The following COL13A1 variants were observed in gnomAD, a reference collection of about 807,000 sequenced individuals.
COL13A1 encodes the protein collagen alpha-1(XIII) chain.
A neutral mutation model predicts 130.9 loss-of-function variants in COL13A1; 89 were observed. The observed-to-expected ratio is 0.68, with a 90% CI of 0.57 to 0.81. The LOEUF (loss-of-function observed/expected upper bound fraction) is 0.81. COL13A1 is among the 30% of genes least tolerant of loss of function. COL13A1 has a pLI of 0.00. For synonymous variants in COL13A1, 402 were observed against 341.6 expected, an observed-to-expected ratio of 1.18 and a Z score of -1.95; for missense variants, 879 against 934.6, an observed-to-expected ratio of 0.94 and a Z score of 0.78.
intron 1 of COL13A1, among the ~76,000 whole-genome samples, chr10:69,805,678 G>C (rs1288428769): frequency 6.6e-6 from 1 of 152,200 alleles, no homozygotes; most frequent in Admixed American, 6.5e-5. Context: ...CCAGCGCTGT[G>C]CTACGAGCAG....
At chr10:69,868,188 T>C (rs1009772421) in intron 3 of COL13A1, among the ~76,000 whole-genome samples, 2 of 150,520 alleles carry the variant, frequency 1.3e-5, no homozygotes, top group Non-Finnish European at 2.9e-5. Context: ...GTTCTGCCCC[T>C]TGAAAGGTCC....
At position 69,832,080 on chromosome 10, in the gene COL13A1, A is replaced by T. The variant is rs1165073101; in HGVS notation, c.364+9642A>T. Among the ~76,000 whole-genome samples, 11 of 152,186 alleles carry T rather than the reference A, an allele frequency of 7.2e-5. No individual in the cohort carries two copies. The East Asian group carries it at 2.1e-3, about 29-fold the overall frequency. On this transcript the variant is annotated intron_variant, in intron 2 of 40. Transcript: ENST00000645393. ...AGTCTTTGCCCAGTTGCATTCAGCC[A>T]TGTGAGGTCCCGAAGGCAATGGCAC...
chr10:69,810,951 G>T (rs1842883462), intron 1 of COL13A1, among the ~76,000 whole-genome samples: 1 of 152,206 alleles, frequency 6.6e-6, no homozygotes, highest in South Asian at 2.1e-4. Context: ...AAGCACAAAG[G>T]GGCAGAACTG....
chr10:69,810,728 G>T (rs1172330550), intron 1 of COL13A1, among the ~76,000 whole-genome samples: 2 of 152,204 alleles, frequency 1.3e-5, no homozygotes, highest in Non-Finnish European at 2.9e-5. Context: ...TGAGGCCTGG[G>T]TCTGGGGAGA....
intron 40 of COL13A1, among the ~76,000 whole-genome samples, 153 bp from the exon 41 acceptor site, chr10:69,958,546 T>C (rs1430646687): frequency 1.3e-5 from 2 of 152,172 alleles, no homozygotes; most frequent in African/African-American, 2.4e-5. Flanking sequence ...TCGCCACCAG[T>C]TTCTTTCACC....
chr10:69,958,141 C>T (rs2062923727), intron 40 of COL13A1, among the ~76,000 whole-genome samples: 1 of 152,152 alleles, frequency 6.6e-6, no homozygotes, highest in South Asian at 2.1e-4. Context: ...AGATGCCTCC[C>T]CAGAATCCAT....
rs2062572120 is a variant in COL13A1 at position 69,904,852 on chromosome 10, G to T, written c.859-81G>T. The T allele has an allele frequency of 2.3e-5, 33 of 1,463,004 alleles. No individual in the cohort carries two copies. The South Asian group carries it at 3.6e-4, about 16-fold the overall frequency. The allele number at this position is 1,463,004 out of a possible 1,614,324, so 90.6% of individuals were successfully genotyped here. On this transcript the variant is annotated intron_variant, in intron 15 of 40. Coordinates refer to ENST00000645393, the MANE Select transcript of COL13A1 (RefSeq NM_001368882.1). ...TATTGGGAGCTGCTCTGCCCCTAGG[G>T]TCTACTGTAAGTATGGCTAGCCCCA...
intron 2 of COL13A1, among the ~76,000 whole-genome samples, chr10:69,845,744 GACCTC>G (rs59719497): frequency 0.13 from 19,033 of 152,076 alleles, 1,984 homozygotes; most frequent in African/African-American, 0.29. Context: ...AATCAATTCT[GACCTC>G]ACCTGCAGCA....
chr10:69,855,978 T>A (rs1291407669), intron 2 of COL13A1, among the ~76,000 whole-genome samples: 1 of 152,238 alleles, frequency 6.6e-6, no homozygotes, highest in Non-Finnish European at 1.5e-5. Flanking sequence ...CATTCATGCA[T>A]ATTCAGCAAG....
At chr10:69,839,400 C>T (rs1850973657) in intron 2 of COL13A1, among the ~76,000 whole-genome samples, 1 of 152,054 alleles carries the variant, frequency 6.6e-6, no homozygotes, top group African/African-American at 2.4e-5. Flanking sequence ...AAGGATTCCC[C>T]CCACGGCCCA....
chr10:69,921,180 C>G (rs981629843), intron 21 of COL13A1, among the ~76,000 whole-genome samples: 1 of 152,172 alleles, frequency 6.6e-6, no homozygotes, highest in East Asian at 1.9e-4. Flanking sequence ...AAGCCTCTCT[C>G]CCGGCTTCTG....
chr10:69,859,273 C>T (rs765162886), intron 2 of COL13A1, among the ~76,000 whole-genome samples: 2 of 152,082 alleles, frequency 1.3e-5, no homozygotes, highest in African/African-American at 2.4e-5. Flanking sequence ...TGGCAAAAAC[C>T]ACAATTACTT....
intron 23 of COL13A1, 77 bp downstream of exon 23, chr10:69,922,871 A>C: frequency 1.0e-6 from 1 of 954,916 alleles, no homozygotes. Context: ...CGGGGACTCT[A>C]CGTCCCGGAC....
intron 4 of COL13A1, among the ~76,000 whole-genome samples, chr10:69,874,141 C>T (rs913950330): frequency 6.6e-6 from 1 of 152,216 alleles, no homozygotes; most frequent in Non-Finnish European, 1.5e-5. Flanking sequence ...TTGGTCTTGA[C>T]CTTATGTGTT....
In COL13A1 at chr10:69,944,113, TC is replaced by T; in HGVS notation, c.1915-8del. On this transcript the variant is annotated splice_polypyrimidine_tract_variant and intron_variant, in intron 35 of 40. Coordinates refer to ENST00000645393, the MANE Select transcript of COL13A1 (RefSeq NM_001368882.1). ...TGGGGACCCTCACCTCTGCTTTCTT[TC>T]CCCTTCCCAGGGTACTCCAGGACCA... 2 of 1,613,034 alleles carry T rather than the reference TC, an allele frequency of 1.2e-6. No individual in the cohort carries two copies. The highest frequency in any genetic ancestry group is 1.7e-6 in the Non-Finnish European group (2 of 1,179,244).
chr10:69,915,525 G>A (rs141390018), intron 17 of COL13A1, among the ~76,000 whole-genome samples: 3 of 152,362 alleles, frequency 2.0e-5, no homozygotes, highest in African/African-American at 7.2e-5. Context: ...AAATTTGTGT[G>A]TGCCGATTAC....
rs1248891524 is a variant in COL13A1 at position 69,928,929 on chromosome 10, T to TC, written c.1423-7dup. Reference sequence around the variant, plus strand: ...AGTTCTTCCATGTGTCTTTCCTTTCTCTCCTAGGGGCCTCCTGGTCTTCCT... The same window carrying TC: ...AGTTCTTCCATGTGTCTTTCCTTTCTCCTCCTAGGGGCCTCCTGGTCTTCCT... On this transcript the variant is annotated splice_polypyrimidine_tract_variant and splice_region_variant and intron_variant, in intron 27 of 40. Coordinates refer to ENST00000645393, the MANE Select transcript of COL13A1 (RefSeq NM_001368882.1). 1 of 1,611,366 alleles carries TC rather than the reference T, an allele frequency of 6.2e-7. No individual in the cohort carries two copies.
At chr10:69,924,850 T>C in intron 24 of COL13A1, 113 bp from the exon 25 acceptor site, 1 of 1,058,474 alleles carries the variant, frequency 9.4e-7, no homozygotes, top group Non-Finnish European at 1.3e-6. Context: ...TGCACTTCTA[T>C]GGACTAAGAG....
chr10:69,851,782 G>A (rs1854908712), intron 2 of COL13A1, among the ~76,000 whole-genome samples: 1 of 152,122 alleles, frequency 6.6e-6, no homozygotes, highest in South Asian at 2.1e-4. Context: ...AGCCTCCCAA[G>A]TAGGTGAGAT....
Sources: gnomAD v4.1 joint callset for allele counts (sites outside exome capture counted in the v4.1 genomes callset) on GRCh38, gnomAD v4.1.1 for gene constraint, MANE v1.5 for transcripts, NCBI Gene and HGNC (gene_info 2026-07-23, HGNC 2026-07-21) for gene names.